Variants in PDE4D observed in about 807,000 individuals in gnomAD.
PDE4D encodes 3',5'-cyclic-AMP phosphodiesterase 4D.
A neutral mutation model predicts 87.4 loss-of-function variants in PDE4D; 24 were observed. That is an observed-to-expected ratio of 0.27 (90% CI 0.20 to 0.39). The LOEUF (loss-of-function observed/expected upper bound fraction) is 0.39. PDE4D is among the 10% of genes least tolerant of loss of function. The probability of loss-of-function intolerance (pLI) is 1.00; values close to 1 mark genes in which losing one functional copy is unlikely to be tolerated. For synonymous variants in PDE4D, 384 were observed against 383.2 expected (o/e 1.00, Z -0.02); for missense variants, 714 against 1,041.0 (o/e 0.69, Z 4.32).
At chr5:59,547,503 A>G (rs961554962) in intron 1 of PDE4D, among the ~76,000 whole-genome samples, 1 of 151,668 alleles carries the variant, frequency 6.6e-6, no homozygotes, top group African/African-American at 2.4e-5. Context: ...AACCTCAAGT[A>G]AACGTTCACT....
chr5:59,299,771 G>A (rs928362368), intron 1 of PDE4D, among the ~76,000 whole-genome samples: 1 of 152,022 alleles, frequency 6.6e-6, no homozygotes, highest in East Asian at 1.9e-4. Flanking sequence ...CATACAACCT[G>A]AAATAAAACG....
chr5:60,056,307 G>A (rs1469774312), intron 2 of PDE4D, among the ~76,000 whole-genome samples: 2 of 152,024 alleles, frequency 1.3e-5, no homozygotes, highest in African/African-American at 4.8e-5. Flanking sequence ...GCTGCACTGA[G>A]AATCAGAGGC....
intron 1 of PDE4D, among the ~76,000 whole-genome samples, chr5:59,827,826 A>G (rs551069577): frequency 1.3e-5 from 2 of 152,226 alleles, no homozygotes; most frequent in East Asian, 3.9e-4. Flanking sequence ...TGGCTGAAAA[A>G]TAATATCATA....
chr5:58,994,842 A>G (rs1748818393), intron 6 of PDE4D, among the ~76,000 whole-genome samples: 1 of 151,852 alleles, frequency 6.6e-6, no homozygotes, highest in Non-Finnish European at 1.5e-5. Context: ...GTGTATTCGC[A>G]TGCCAGCGTA....
At chr5:60,119,160 T>TA (rs1778433235) in intron 2 of PDE4D, among the ~76,000 whole-genome samples, 1 of 152,236 alleles carries the variant, frequency 6.6e-6, no homozygotes, top group Non-Finnish European at 1.5e-5. Flanking sequence ...TCCATCATTT[T>TA]AGCCTTATCA....
intron 2 of PDE4D, among the ~76,000 whole-genome samples, chr5:60,001,158 C>G (rs1320949992): frequency 1.3e-5 from 2 of 152,066 alleles, no homozygotes; most frequent in Admixed American, 1.3e-4. Flanking sequence ...ACTCAGAGAG[C>G]CAGGGGGAGT....
intron 1 of PDE4D, among the ~76,000 whole-genome samples, chr5:59,875,997 ATAAC>A (rs1268532130): frequency 6.6e-6 from 1 of 152,172 alleles, no homozygotes; most frequent in East Asian, 1.9e-4. Flanking sequence ...ATCAAGAAAA[ATAAC>A]TAATAGATGC....
intron 1 of PDE4D, among the ~76,000 whole-genome samples, chr5:59,268,010 G>T (rs1418873223): frequency 6.6e-6 from 1 of 152,018 alleles, no homozygotes; most frequent in Non-Finnish European, 1.5e-5. Flanking sequence ...ACAGGGTAGG[G>T]TGCTAGATGG....
intron 1 of PDE4D, among the ~76,000 whole-genome samples, chr5:60,265,896 A>G (rs1750156996): frequency 1.3e-5 from 2 of 152,184 alleles, no homozygotes; most frequent in Admixed American, 6.5e-5. Flanking sequence ...CAAAGTCAAT[A>G]AAGACATAAA....
intron 1 of PDE4D, among the ~76,000 whole-genome samples, chr5:59,518,953 A>C (rs1299138505): frequency 6.6e-6 from 1 of 152,238 alleles, no homozygotes; most frequent in East Asian, 1.9e-4. Context: ...TTCGAAAGGC[A>C]CTAGGCTACA....
intron 1 of PDE4D, among the ~76,000 whole-genome samples, chr5:59,769,369 TA>T (rs1237257346): frequency 2.0e-5 from 3 of 152,368 alleles, no homozygotes; most frequent in African/African-American, 7.2e-5. Context: ...TCTTTGCATT[TA>T]AACTAATGCC....
chr5:59,893,899 C>T, upstream of PDE4D: 1 of 1,027,732 alleles, frequency 9.7e-7, no homozygotes, highest in Non-Finnish European at 1.2e-6. Flanking sequence ...CTAGGGTGCG[C>T]GGTGCCCGGT....
intron 5 of PDE4D, among the ~76,000 whole-genome samples, chr5:59,138,171 T>C (rs952095789): frequency 6.6e-6 from 1 of 152,258 alleles, no homozygotes; most frequent in Non-Finnish European, 1.5e-5. Flanking sequence ...ATCAGAAGTA[T>C]AGCTGTTTAG....
At chr5:60,285,382 A>C (rs1486947002) in intron 1 of PDE4D, among the ~76,000 whole-genome samples, 8 of 152,170 alleles carry the variant, frequency 5.3e-5, no homozygotes, top group Non-Finnish European at 2.9e-5. Context: ...CTGCTGAAAA[A>C]TATGTAGAAT....
chr5:59,792,439 T>TGTG (rs1561669604), intron 1 of PDE4D, among the ~76,000 whole-genome samples: 7 of 150,386 alleles, frequency 4.7e-5, no homozygotes, highest in African/African-American at 7.4e-5. Context: ...TGTGTGTGTG[T>TGTG]TTTGAGGAAG....
At chr5:60,364,404 T>C (rs1424783211) in intron 1 of PDE4D, among the ~76,000 whole-genome samples, 2 of 152,212 alleles carry the variant, frequency 1.3e-5, no homozygotes, top group African/African-American at 4.8e-5. Context: ...TGTGGATCTT[T>C]ACAGAATTTC....
intron 1 of PDE4D, among the ~76,000 whole-genome samples, chr5:59,823,014 G>C (rs946035427): frequency 5.9e-5 from 9 of 152,162 alleles, no homozygotes; most frequent in African/African-American, 1.9e-4. Context: ...AGAATGGACA[G>C]CCATCCTTAC....
intron 1 of PDE4D, among the ~76,000 whole-genome samples, chr5:59,738,809 C>T (rs1758445152): frequency 6.6e-6 from 1 of 151,550 alleles, no homozygotes; most frequent in South Asian, 2.1e-4. Flanking sequence ...TCATTCTAAA[C>T]ACTACGCATA....
At chr5:59,137,122 C>T (rs951440633) in intron 5 of PDE4D, among the ~76,000 whole-genome samples, 1 of 152,194 alleles carries the variant, frequency 6.6e-6, no homozygotes, top group African/African-American at 2.4e-5. Flanking sequence ...CCTGGCTTCC[C>T]TGTACCTCTG....
Sources: gnomAD v4.1 joint callset for allele counts (sites outside exome capture counted in the v4.1 genomes callset) on GRCh38, gnomAD v4.1.1 for gene constraint, MANE v1.5 for transcripts, NCBI Gene and HGNC (gene_info 2026-07-23, HGNC 2026-07-21) for gene names.